Variants in ZCCHC4 observed in about 807,000 individuals in gnomAD.
ZCCHC4 encodes rRNA N(6)-adenosine-methyltransferase ZCCHC4.
Under a neutral mutation model 67.7 loss-of-function variants are expected in ZCCHC4, and 54 were observed. That is an observed-to-expected ratio of 0.80 (90% CI 0.64 to 1.00). The LOEUF (loss-of-function observed/expected upper bound fraction) is 1.00. ZCCHC4 is among the 50% of genes least tolerant of loss of function. The pLI is 0.00. For missense variants in ZCCHC4, 609 were observed against 617.0 expected (o/e 0.99, Z 0.14); for synonymous variants, 198 against 213.5 (o/e 0.93, Z 0.63).
chr4:25,345,745 A>G, intron 6 of ZCCHC4, 125 bp downstream of exon 6: 1 of 647,760 alleles, frequency 1.5e-6, no homozygotes, highest in East Asian at 2.8e-5. Flanking sequence ...ATTTACTGAT[A>G]TTTATTTTTG....
rs1458983703 is a variant in ZCCHC4, at chr4:25,351,687, C to T, written c.1009C>T (p.Gln337Ter). The T allele has an allele frequency of 1.2e-6, 2 of 1,605,686 alleles. No individual in the cohort carries two copies. The highest frequency in any genetic ancestry group is 1.7e-6 in the Non-Finnish European group (2 of 1,174,360). Reference protein sequence around the residue: ...FFPSFQMLDYQVDYDNHALYK... With the variant: ...FFPSFQMLDY Reference sequence around the variant, plus strand: ...TCCAAGCTTCCAGATGCTGGATTACCAGGTAGAGTACATATTCTGTTTTCT... The same window carrying T: ...TCCAAGCTTCCAGATGCTGGATTACTAGGTAGAGTACATATTCTGTTTTCT... The change falls in exon 8 of 13, where the codon CAG (glutamine) becomes TAG (stop). Residue 337 changes from glutamine (Q) to a stop codon, truncating the protein, a stop_gained and splice_region_variant. Coordinates refer to ENST00000302874, the MANE Select transcript of ZCCHC4 (RefSeq NM_024936.3). LOFTEE classifies it high-confidence loss of function.
At chr4:25,346,989 A>G (rs1000142344) in intron 6 of ZCCHC4, among the ~76,000 whole-genome samples, 1 of 152,130 alleles carries the variant, frequency 6.6e-6, no homozygotes, top group Non-Finnish European at 1.5e-5. Context: ...AATGGCCTGG[A>G]TTTGTATTTT....
chr4:25,332,835 A>AAAATTTATT, intron 3 of ZCCHC4, among the ~76,000 whole-genome samples: 1 of 152,346 alleles, frequency 6.6e-6, no homozygotes, highest in Non-Finnish European at 1.5e-5. Context: ...GATAAAAGTT[A>AAAATTTATT]GACATGTGGA....
intron 12 of ZCCHC4, among the ~76,000 whole-genome samples, chr4:25,368,560 G>C (rs1246191966): frequency 6.6e-6 from 1 of 152,124 alleles, no homozygotes; most frequent in Non-Finnish European, 1.5e-5. Context: ...GTACGACTTA[G>C]GAAACAGGCC....
At chr4:25,326,229 T>A (rs1250220211) in intron 3 of ZCCHC4, among the ~76,000 whole-genome samples, 1 of 152,236 alleles carries the variant, frequency 6.6e-6, no homozygotes, top group Non-Finnish European at 1.5e-5. Context: ...GTGCTCCGTT[T>A]TTATAGCACA....
chr4:25,341,220 G>A lies in ZCCHC4; in HGVS notation c.687-4328G>A, dbSNP rs191679594. On this transcript the variant is annotated intron_variant, in intron 5 of 12. Coordinates refer to ENST00000302874, the MANE Select transcript of ZCCHC4 (RefSeq NM_024936.3). ...GTTATCTGTAAGGCATCCAGTCATC[G>A]TAGGCTATTAGTAGTTAAGTTTTTG... 4.6e-5 allele frequency among the ~76,000 whole-genome samples: 7 copies of A among 152,218 alleles called. No homozygotes were observed. In the East Asian group the frequency reaches 1.2e-3, roughly 25 times the overall value.
chr4:25,344,960 G>A (rs1477273202), intron 5 of ZCCHC4, among the ~76,000 whole-genome samples: 2 of 151,994 alleles, frequency 1.3e-5, no homozygotes, highest in African/African-American at 2.4e-5. Context: ...GCATCACCAC[G>A]CCTGGCTAAT....
At chr4:25,318,969 A>G (rs1718426073) in intron 3 of ZCCHC4, among the ~76,000 whole-genome samples, 1 of 152,152 alleles carries the variant, frequency 6.6e-6, no homozygotes, top group Admixed American at 6.5e-5. Flanking sequence ...TCATTCATTC[A>G]GTAGGTATTT....
At chr4:25,314,195 AT>A (rs1237735087) in intron 2 of ZCCHC4, 31 bp downstream of exon 2, 2 of 1,445,020 alleles carry the variant, frequency 1.4e-6, no homozygotes, top group African/African-American at 1.4e-5. Context: ...TTTATTTTTT[AT>A]TTTTGGTATG....
intron 10 of ZCCHC4, among the ~76,000 whole-genome samples, chr4:25,362,616 A>C (rs759342205): frequency 1.8e-4 from 27 of 152,312 alleles, no homozygotes; most frequent in South Asian, 8.3e-4. Flanking sequence ...ATGGTGTTTC[A>C]AATAAGGCAT....
intron 8 of ZCCHC4, among the ~76,000 whole-genome samples, chr4:25,358,866 C>A (rs369257541): frequency 1.4e-4 from 22 of 152,336 alleles, no homozygotes; most frequent in African/African-American, 4.8e-4. Flanking sequence ...GGCTCATGCC[C>A]GGGCTCACTT....
intron 3 of ZCCHC4, among the ~76,000 whole-genome samples, chr4:25,324,361 A>G (rs1003350745): frequency 6.6e-6 from 1 of 152,044 alleles, no homozygotes; most frequent in Non-Finnish European, 1.5e-5. Context: ...TATTTAGCAT[A>G]AATATTTTTG....
chr4:25,349,460 C>T (rs898041835), intron 6 of ZCCHC4, 32 bp from the exon 7 acceptor site: 3 of 1,608,628 alleles, frequency 1.9e-6, no homozygotes, highest in Non-Finnish European at 2.5e-6. Flanking sequence ...CTCTCTAGTC[C>T]TAATTTAGAA....
At chr4:25,349,895 C>T (rs1355956343) in intron 7 of ZCCHC4, among the ~76,000 whole-genome samples, 2 of 152,110 alleles carry the variant, frequency 1.3e-5, no homozygotes, top group East Asian at 3.9e-4. Flanking sequence ...GGACATTATG[C>T]AGAACAGCAG....
rs1228168765 is a variant in ZCCHC4 at position 25,370,311 on chromosome 4, T to C, written c.*1147T>C. The C allele has an allele frequency of 6.6e-6, 1 of 152,184 alleles. No individual in the cohort carries two copies. Among genetic ancestry groups the C allele is most frequent in the Non-Finnish European group, 1.5e-5 (1 of 68,028 alleles). The allele number at this position is 152,184 out of a possible 1,614,324, so 9.4% of individuals were successfully genotyped here. On this transcript the variant is annotated 3_prime_UTR_variant, in exon 13 of 13. Coordinates refer to ENST00000302874, the MANE Select transcript of ZCCHC4 (RefSeq NM_024936.3). ...CTAAAAGCCCCGGTTTCTTCATTAT[T>C]ATCATTATTATAATGGGGAGAATAA...
chr4:25,319,172 A>G (rs1371078092), intron 3 of ZCCHC4, among the ~76,000 whole-genome samples: 1 of 152,198 alleles, frequency 6.6e-6, no homozygotes, highest in Non-Finnish European at 1.5e-5. Context: ...TCACGAGGTC[A>G]GGAGATCGAG....
In ZCCHC4 at chr4:25,352,554, A is replaced by G. The variant is rs533356360; in HGVS notation, c.1011+865A>G. 657 of 252,692 alleles carry G rather than the reference A, an allele frequency of 2.6e-3. 1 individual carries two copies. The highest frequency in any genetic ancestry group is 2.8e-3 in the Non-Finnish European group (449 of 160,176). 15.7% of individuals were successfully genotyped at this position (252,692 alleles called of 1,614,324 possible). On this transcript the variant is annotated intron_variant, in intron 8 of 12. Coordinates refer to ENST00000302874, the MANE Select transcript of ZCCHC4 (RefSeq NM_024936.3). The stretch of plus-strand genomic sequence containing the variant: ...CTCCTGAGTAGCTGGGACTACAAAC[A>G]TGTGCCACCATGGCCACCTAATTTT...
At chr4:25,368,019 T>G (rs1367927854) in intron 12 of ZCCHC4, among the ~76,000 whole-genome samples, 1 of 152,156 alleles carries the variant, frequency 6.6e-6, no homozygotes, top group Non-Finnish European at 1.5e-5. Flanking sequence ...CTCCTTGAAG[T>G]CAAAGATTAT....
intron 3 of ZCCHC4, 52 bp downstream of exon 3, chr4:25,315,452 T>A (rs1395126783): frequency 1.4e-6 from 2 of 1,393,492 alleles, no homozygotes; most frequent in Non-Finnish European, 2.0e-6. Context: ...ATTTTTTTTG[T>A]TATTGCCTTT....
Sources: allele counts gnomAD v4.1 joint callset (sites outside exome capture counted in the v4.1 genomes callset), GRCh38; gene constraint gnomAD v4.1.1; transcripts MANE v1.5; gene names NCBI Gene and HGNC (gene_info 2026-07-23, HGNC 2026-07-21).